The following AUH variants were observed in gnomAD, a reference collection of about 807,000 sequenced individuals.
The protein encoded by AUH is AU RNA binding methylglutaconyl-CoA hydratase, also known as methylglutaconyl-CoA hydratase, mitochondrial.
AUH carries 29 observed loss-of-function variants against 42.3 expected under a neutral mutation model. The ratio of observed to expected loss-of-function variants is 0.69; its 90% CI spans 0.51 to 0.93. AUH has a LOEUF of 0.93. Among genes scored for constraint, AUH ranks in the 40% least tolerant of loss-of-function variants. The probability of loss-of-function intolerance (pLI) is 0.00; values close to 1 mark genes in which losing one functional copy is unlikely to be tolerated. For missense variants in AUH, 452 were observed against 438.1 expected, an observed-to-expected ratio of 1.03 and a Z score of -0.28; for synonymous variants, 174 against 166.4, an observed-to-expected ratio of 1.05 and a Z score of -0.35.
chr9:91,232,640 A>C (rs1827953539), intron 6 of AUH, among the ~76,000 whole-genome samples: 1 of 152,248 alleles, frequency 6.6e-6, no homozygotes, highest in East Asian at 1.9e-4. Context: ...AAGCTGCATT[A>C]CTATGCTATG....
chr9:91,283,350 A>G (rs994737483), intron 6 of AUH, among the ~76,000 whole-genome samples: 1 of 152,210 alleles, frequency 6.6e-6, no homozygotes, highest in African/African-American at 2.4e-5. Flanking sequence ...CCCACAGCCA[A>G]TATCATACTG....
chr9:91,295,842 G>A (rs1827284226), intron 6 of AUH, among the ~76,000 whole-genome samples, 179 bp downstream of exon 6: 1 of 152,144 alleles, frequency 6.6e-6, no homozygotes. Flanking sequence ...GTTTCATTGC[G>A]GTGGGGAAAA....
chr9:91,328,889 A>G (rs1830136454), intron 3 of AUH, among the ~76,000 whole-genome samples: 1 of 152,186 alleles, frequency 6.6e-6, no homozygotes, highest in Admixed American at 6.5e-5. Context: ...GAACACCTCC[A>G]TTATCACAAA....
intron 6 of AUH, among the ~76,000 whole-genome samples, chr9:91,239,175 C>T (rs1021968424): frequency 4.7e-5 from 7 of 148,904 alleles, no homozygotes; most frequent in Non-Finnish European, 8.9e-5. Flanking sequence ...TTTTATCCTT[C>T]ATCTTTTCCC....
intron 4 of AUH, among the ~76,000 whole-genome samples, chr9:91,311,171 T>C (rs1388560450): frequency 1.3e-5 from 2 of 152,188 alleles, no homozygotes; most frequent in Non-Finnish European, 2.9e-5. Flanking sequence ...ATATGGACAG[T>C]AGATTTTCAA....
At chr9:91,292,138 G>C (rs757783918) in intron 6 of AUH, among the ~76,000 whole-genome samples, 16 of 152,066 alleles carry the variant, frequency 1.1e-4, no homozygotes, top group Non-Finnish European at 5.9e-5. Flanking sequence ...TTCAAGAACA[G>C]AAGCTCATCT....
intron 6 of AUH, among the ~76,000 whole-genome samples, chr9:91,278,572 A>G (rs988071036): frequency 2.0e-5 from 3 of 152,228 alleles, no homozygotes; most frequent in Non-Finnish European, 2.9e-5. Context: ...GTTTGGCGCG[A>G]TTTCAACGAA....
intron 6 of AUH, among the ~76,000 whole-genome samples, chr9:91,284,903 A>G (rs569795833): frequency 6.6e-6 from 1 of 152,310 alleles, no homozygotes; most frequent in Admixed American, 6.5e-5. Flanking sequence ...ACAGTGTGGC[A>G]ATTCCTCAGG....
chr9:91,361,881 G>T lies in AUH; in HGVS notation c.9C>A (p.Ala3=). 6.8e-7 allele frequency: 1 copy of T among 1,465,480 alleles called. No individual in the cohort carries two copies. The highest frequency in any genetic ancestry group is 9.0e-7 in the Non-Finnish European group (1 of 1,115,000). 90.8% of individuals were successfully genotyped at this position (1,465,480 alleles called of 1,614,324 possible). The change falls in exon 1 of 10, where the codon GCC becomes GCA. Residue 3 remains alanine (A), a synonymous_variant. Coordinates refer to ENST00000375731, the MANE Select transcript of AUH (RefSeq NM_001698.3). ...AGGCCCCAGGTGCCGCCGCCACCGC[G>T]GCCGCCATGTTGTCTGTTTACGGCG... MA[A]AVAAAPGALG...
intron 6 of AUH, among the ~76,000 whole-genome samples, chr9:91,283,271 C>T (rs1826121754): frequency 6.6e-6 from 1 of 152,148 alleles, no homozygotes; most frequent in African/African-American, 2.4e-5. Flanking sequence ...AACCTTCATG[C>T]TAAAAACTCT....
In AUH at chr9:91,298,244, C is replaced by CA. The variant is rs11370660; in HGVS notation, c.506-169dup. 0.98 allele frequency among the ~76,000 whole-genome samples: 148,606 copies of CA among 152,306 alleles called. 72,516 individuals carry two copies. Among genetic ancestry groups the CA allele is most frequent in the East Asian group, 1 (5,185 of 5,186 alleles). ...TATAAGCATTTCCATCATTATTCTT[C>CA]AAAACATTATATAATTACTGTATAG... On this transcript the variant is annotated intron_variant, in intron 4 of 9. Coordinates refer to ENST00000375731, the MANE Select transcript of AUH (RefSeq NM_001698.3).
At chr9:91,223,020 T>TA (rs1827221755) in intron 6 of AUH, among the ~76,000 whole-genome samples, 1 of 152,230 alleles carries the variant, frequency 6.6e-6, no homozygotes, top group African/African-American at 2.4e-5. Flanking sequence ...AATGGTCATG[T>TA]AGGTGGTAAC....
chr9:91,347,794 A>G (rs1831638338), intron 3 of AUH, among the ~76,000 whole-genome samples: 2 of 152,154 alleles, frequency 1.3e-5, no homozygotes, highest in Non-Finnish European at 1.5e-5. Context: ...CAAAATTTCT[A>G]AAATTCACAA....
chr9:91,297,775 C>T (rs1827465442), intron 5 of AUH, among the ~76,000 whole-genome samples: 1 of 152,004 alleles, frequency 6.6e-6, no homozygotes, highest in African/African-American at 2.4e-5. Context: ...AAGATTCAAA[C>T]TCAGTTCTAC....
At chr9:91,280,376 G>C (rs1353220720) in intron 6 of AUH, among the ~76,000 whole-genome samples, 1 of 152,060 alleles carries the variant, frequency 6.6e-6, no homozygotes, top group African/African-American at 2.4e-5. Flanking sequence ...ATTACTGCTG[G>C]ATAATAAGAA....
At chr9:91,243,923 C>T (rs781478673) in intron 6 of AUH, among the ~76,000 whole-genome samples, 1 of 152,152 alleles carries the variant, frequency 6.6e-6, no homozygotes, top group Admixed American at 6.5e-5. Flanking sequence ...TGTTATTTAA[C>T]GAACTAGTCA....
intron 4 of AUH, among the ~76,000 whole-genome samples, chr9:91,308,464 T>C (rs890833310): frequency 2.0e-5 from 3 of 152,208 alleles, no homozygotes; most frequent in Non-Finnish European, 2.9e-5. Flanking sequence ...TTCTCCACCA[T>C]TCTTGATGAG....
intron 6 of AUH, among the ~76,000 whole-genome samples, chr9:91,235,969 G>T (rs1026052414): frequency 2.6e-5 from 4 of 152,186 alleles, no homozygotes; most frequent in Non-Finnish European, 5.9e-5. Flanking sequence ...CAATCCTGAA[G>T]ACGCCTTACT....
At chr9:91,241,097 CAA>C (rs1828489994) in intron 6 of AUH, among the ~76,000 whole-genome samples, 1 of 152,196 alleles carries the variant, frequency 6.6e-6, no homozygotes. Flanking sequence ...TCAACATACA[CAA>C]GAGAAGTGGT....
Sources: allele counts gnomAD v4.1 joint callset (sites outside exome capture counted in the v4.1 genomes callset), GRCh38; gene constraint gnomAD v4.1.1; transcripts MANE v1.5; gene names NCBI Gene and HGNC (gene_info 2026-07-23, HGNC 2026-07-21).